The following FAM184B variants were observed in gnomAD, a reference collection of about 807,000 sequenced individuals.
FAM184B encodes the protein family with sequence similarity 184 member B.
In FAM184B, 111 loss-of-function variants were observed where a neutral mutation model predicts 135.9. That is an observed-to-expected ratio of 0.82 (90% CI 0.70 to 0.96). The LOEUF (loss-of-function observed/expected upper bound fraction) is 0.96, where lower values mean the gene tolerates loss of function less well. Among genes scored for constraint, FAM184B ranks in the 40% least tolerant of loss-of-function variants. FAM184B has a pLI of 0.00. For missense variants in FAM184B, 1,375 were observed against 1,323.9 expected, an observed-to-expected ratio of 1.04 and a Z score of -0.60; for synonymous variants, 552 against 524.8, an observed-to-expected ratio of 1.05 and a Z score of -0.71.
intron 1 of FAM184B, among the ~76,000 whole-genome samples, chr4:17,758,619 G>A (rs1718470096): frequency 6.6e-6 from 1 of 152,216 alleles, no homozygotes; most frequent in South Asian, 2.1e-4. Context: ...GGGGTAACTT[G>A]TCATTTTTAT....
At chr4:17,677,296 C>T (rs1223121164) in intron 7 of FAM184B, among the ~76,000 whole-genome samples, 1 of 152,198 alleles carries the variant, frequency 6.6e-6, no homozygotes, top group Non-Finnish European at 1.5e-5. Context: ...GATCTGCCCA[C>T]ATTGACCTCC....
intron 1 of FAM184B, among the ~76,000 whole-genome samples, chr4:17,764,854 C>T (rs1718623813): frequency 6.6e-6 from 1 of 151,928 alleles, no homozygotes; most frequent in African/African-American, 2.4e-5. Flanking sequence ...CACTTGAGTC[C>T]AGGAGATCGA....
rs1196996600 is a variant in FAM184B, at chr4:17,631,188, A to G, written c.*1344T>C. ...ACCATGAGGCAAATGGCTCAAACCC[A>G]AAGACCAGAGGTTCAGGGGATATAT... On this transcript the variant is annotated 3_prime_UTR_variant, in exon 18 of 18. Transcript: ENST00000265018. 6.6e-6 allele frequency: 1 copy of G among 152,142 alleles called. No homozygotes were observed. Among genetic ancestry groups the G allele is most frequent in the Non-Finnish European group, 1.5e-5 (1 of 68,046 alleles). The allele number at this position is 152,142 out of a possible 1,614,324, so 9.4% of individuals were successfully genotyped here.
chr4:17,649,091 T>C (rs1715539568), intron 11 of FAM184B, among the ~76,000 whole-genome samples: 2 of 152,208 alleles, frequency 1.3e-5, no homozygotes, highest in African/African-American at 4.8e-5. Context: ...GATCATTCCA[T>C]AAGCACCTAG....
chr4:17,634,507 A>T (rs1307566573), intron 16 of FAM184B, among the ~76,000 whole-genome samples: 1 of 152,106 alleles, frequency 6.6e-6, no homozygotes, highest in South Asian at 2.1e-4. Context: ...TATTTTTAAT[A>T]GAGTTGGAGT....
At chr4:17,665,843 T>C (rs2108945227) in intron 7 of FAM184B, among the ~76,000 whole-genome samples, 1 of 152,262 alleles carries the variant, frequency 6.6e-6, no homozygotes, top group Non-Finnish European at 1.5e-5. Flanking sequence ...GAACTGGAAA[T>C]ATTGATGATT....
intron 1 of FAM184B, among the ~76,000 whole-genome samples, chr4:17,732,079 G>A (rs1468078017): frequency 3.3e-5 from 5 of 152,096 alleles, no homozygotes; most frequent in South Asian, 2.1e-4. Context: ...CTGCTCCTGA[G>A]TGACTACTGG....
chr4:17,776,966 G>A (rs1718940147), intron 1 of FAM184B, among the ~76,000 whole-genome samples: 1 of 152,092 alleles, frequency 6.6e-6, no homozygotes, highest in Non-Finnish European at 1.5e-5. Flanking sequence ...AAAACAATTT[G>A]GCAATTTCTT....
chr4:17,753,030 T>A (rs187847680), intron 1 of FAM184B, among the ~76,000 whole-genome samples: 60 of 152,334 alleles, frequency 3.9e-4, no homozygotes, highest in African/African-American at 1.4e-3. Flanking sequence ...TGCAAGGTCT[T>A]TTCAATTTGG....
At chr4:17,771,019 CTT>C (rs1718808579) in intron 1 of FAM184B, among the ~76,000 whole-genome samples, 1 of 152,224 alleles carries the variant, frequency 6.6e-6, no homozygotes, top group Non-Finnish European at 1.5e-5. Flanking sequence ...TCTTTTTGTG[CTT>C]ATCTGTTCCT....
In FAM184B at chr4:17,646,522, T is replaced by C. The variant is rs192992018; in HGVS notation, c.2346+1115A>G. Among the ~76,000 whole-genome samples, 370 of 152,076 alleles carry C rather than the reference T, an allele frequency of 2.4e-3. 4 individuals carry two copies. Among genetic ancestry groups the C allele is most frequent in the African/African-American group, 8.2e-3 (340 of 41,466 alleles). On this transcript the variant is annotated intron_variant, in intron 12 of 17. Transcript: ENST00000265018. ...ACATGTTCTCACTCATAGGTGGGAA[T>C]TGAACAATGAGAACACTTGGACACA...
intron 3 of FAM184B, among the ~76,000 whole-genome samples, chr4:17,706,921 GATTAC>G (rs1717133265): frequency 6.6e-6 from 1 of 151,998 alleles, no homozygotes; most frequent in African/African-American, 2.4e-5. Flanking sequence ...AAGTAGCTAG[GATTAC>G]AGGCACCCCT....
chr4:17,761,521 T>C (rs1577293080), intron 1 of FAM184B, among the ~76,000 whole-genome samples: 1 of 152,216 alleles, frequency 6.6e-6, no homozygotes, highest in Non-Finnish European at 1.5e-5. Context: ...CCATCAGCCT[T>C]GGAATACCCA....
At chr4:17,720,472 GC>G (rs1176401138) in intron 1 of FAM184B, among the ~76,000 whole-genome samples, 1 of 152,112 alleles carries the variant, frequency 6.6e-6, no homozygotes. Flanking sequence ...CATTAGAATG[GC>G]TATCATCACA....
chr4:17,739,555 G>GTTTTTGTTTTTTTTTTTTTTTTTT (rs1553841421), intron 1 of FAM184B, among the ~76,000 whole-genome samples: 1 of 62,510 alleles, frequency 1.6e-5, no homozygotes, highest in African/African-American at 6.2e-5. Flanking sequence ...CATACCAACT[G>GTTTTTGTTTTTTTTTTTTTTTTTT]TTTTTTTTTT....
chr4:17,641,459 C>CTTT (rs1715308123), intron 13 of FAM184B, among the ~76,000 whole-genome samples: 2 of 90,230 alleles, frequency 2.2e-5, no homozygotes, highest in Admixed American at 1.4e-4. Flanking sequence ...ACAGGACTCC[C>CTTT]TCTTTTTTTT....
intron 11 of FAM184B, among the ~76,000 whole-genome samples, chr4:17,649,537 T>G (rs1715551966): frequency 6.7e-6 from 1 of 148,574 alleles, no homozygotes; most frequent in Non-Finnish European, 1.5e-5. Flanking sequence ...TGAGCTGAGA[T>G]CACACCACTG....
chr4:17,742,164 ATATATTTTTTT>A (rs1718061121), intron 1 of FAM184B, among the ~76,000 whole-genome samples: 1 of 9,072 alleles, frequency 1.1e-4, no homozygotes, highest in African/African-American at 4.7e-4. Flanking sequence ...ATATATATAT[ATATATTTTTTT>A]TTTTTAAAGA....
chr4:17,670,487 G>A (rs572312348), intron 7 of FAM184B, among the ~76,000 whole-genome samples: 42 of 152,288 alleles, frequency 2.8e-4, no homozygotes, highest in African/African-American at 9.4e-4. Context: ...CACAGAGCCT[G>A]TGAAAGGGAA....
Sources: gnomAD v4.1 joint callset for allele counts (sites outside exome capture counted in the v4.1 genomes callset) on GRCh38, gnomAD v4.1.1 for gene constraint, MANE v1.5 for transcripts, NCBI Gene and HGNC (gene_info 2026-07-23, HGNC 2026-07-21) for gene names.